Variants in CLCNKB observed in about 807,000 individuals in gnomAD.
CLCNKB encodes the protein chloride voltage-gated channel Kb, also known as chloride channel protein ClC-Kb.
CLCNKB carries 74 observed loss-of-function variants against 83.8 expected under a neutral mutation model. The ratio of observed to expected loss-of-function variants is 0.88; its 90% CI spans 0.73 to 1.07. The LOEUF (loss-of-function observed/expected upper bound fraction) is 1.07, where lower values mean the gene tolerates loss of function less well. Ranked by LOEUF, CLCNKB falls within the 50% of genes least tolerant of loss-of-function variation. CLCNKB has a pLI of 0.00. For missense variants in CLCNKB, 798 were observed against 893.6 expected (o/e 0.89, Z 1.36); for synonymous variants, 358 against 356.6 (o/e 1.00, Z -0.04).
At chr1:16,048,175 G>C (rs2023160157) in intron 5 of CLCNKB, 131 bp downstream of exon 5, 4 of 1,444,764 alleles carry the variant, frequency 2.8e-6, no homozygotes, top group Non-Finnish European at 2.9e-6. Context: ...ACTCAGTCTT[G>C]GGGGAAGAGG....
In CLCNKB at chr1:16,049,829, T is replaced by C. The variant is rs1179476923; in HGVS notation, c.881T>C (p.Ile294Thr). The C allele has an allele frequency of 6.2e-7, 1 of 1,613,776 alleles. No homozygotes were observed. Among genetic ancestry groups the C allele is most frequent in the Non-Finnish European group, 8.5e-7 (1 of 1,179,868 alleles). ...ATGCTCCCCAGGGGTCTCTGTGGCA[T>C]CCTGGGCAGCGCTTACCTCTTCTGT... ...FFVALGGLCG[I>T]LGSAYLFCQR... Residue 294 changes from isoleucine (I) to threonine (T), a missense_variant, in exon 10 of 20, where the codon ATC becomes ACC. Physicochemically the swap from Ile to Thr is moderately conservative, Grantham distance 89. Transcript: ENST00000375679.
At chr1:16,045,910 C>G (rs2023087166) in intron 3 of CLCNKB, among the ~76,000 whole-genome samples, 2 of 152,318 alleles carry the variant, frequency 1.3e-5, no homozygotes, top group South Asian at 4.1e-4. Context: ...CCTGAATGTT[C>G]CCAAGAGCTC....
chr1:16,045,615 T>G lies in CLCNKB; in HGVS notation c.158T>G (p.Leu53Arg). 3 of 1,614,096 alleles carry G rather than the reference T, an allele frequency of 1.9e-6. No individual in the cohort carries two copies. The highest frequency in any genetic ancestry group is 2.5e-6 in the Non-Finnish European group (3 of 1,179,942). Residue 53 changes from leucine (L) to arginine (R), a missense_variant, in exon 3 of 20, where the codon CTG becomes CGG. Physicochemically the swap from Leu to Arg is moderately radical, Grantham distance 102. Coordinates refer to ENST00000375679, the MANE Select transcript of CLCNKB (RefSeq NM_000085.5). Reference protein sequence around the residue: ...LFRLGEDWYFLMTLGVLMALV... With the variant: ...LFRLGEDWYFRMTLGVLMALV... ...CGCCTGGGCGAGGACTGGTACTTCC[T>G]GATGACCCTCGGGGTGCTCATGGCC...
chr1:16,054,100 C>T (rs2023374199), intron 16 of CLCNKB, among the ~76,000 whole-genome samples: 1 of 152,126 alleles, frequency 6.6e-6, no homozygotes. Context: ...TAAGCATTCC[C>T]CAGATGAGTC....
chr1:16,045,423 G>A, intron 2 of CLCNKB, 135 bp from the exon 3 acceptor site: 1 of 1,068,158 alleles, frequency 9.4e-7, no homozygotes, highest in Non-Finnish European at 1.4e-6. Flanking sequence ...GCCCCCTCGG[G>A]ACTACCCCAG....
intron 1 of CLCNKB, 28 bp from the exon 2 acceptor site, chr1:16,044,458 C>T (rs767867132): frequency 2.0e-5 from 31 of 1,562,366 alleles, no homozygotes; most frequent in Non-Finnish European, 2.5e-5. Context: ...CAGCTCACCG[C>T]GGTCCCTCCC....
At chr1:16,049,032 G>T (rs761914199) in intron 7 of CLCNKB, 88 bp from the exon 8 acceptor site, 8 of 1,611,582 alleles carry the variant, frequency 5.0e-6, no homozygotes, top group Non-Finnish European at 6.8e-6. Flanking sequence ...GGACAGATGG[G>T]TCAGGGAGGA....
At chr1:16,052,451 A>C in intron 15 of CLCNKB, 40 bp downstream of exon 15, 1 of 1,594,428 alleles carries the variant, frequency 6.3e-7, no homozygotes, top group Non-Finnish European at 8.5e-7. Context: ...AGGGGGTCAC[A>C]GTGTTTGGGA....
intron 7 of CLCNKB, 82 bp from the exon 8 acceptor site, chr1:16,049,038 G>A: frequency 6.2e-7 from 1 of 1,612,230 alleles, no homozygotes. Context: ...ATGGGTCAGG[G>A]AGGAGGTGAC....
Position 16,049,889 on chromosome 1 carries a change from G to A in CLCNKB, c.941G>A (p.Arg314Lys), listed in dbSNP as rs1388868011. Residue 314 changes from arginine (R) to lysine (K), a missense_variant, in exon 10 of 20, where the codon AGG (arginine) becomes AAG (lysine). Arg to Lys is a conservative substitution (Grantham distance 26). Transcript: ENST00000375679. ...TTCTTTGGCTTCATCAGGAACAATAGGTTCAGCTCCAAACTGCTGGCCACC... is the reference window on the plus strand; with the variant it reads ...TTCTTTGGCTTCATCAGGAACAATAAGTTCAGCTCCAAACTGCTGGCCACC... ...RIFFGFIRNN[R>K]FSSKLLATSK... 1.2e-6 allele frequency: 2 copies of A among 1,613,758 alleles called. No individual in the cohort carries two copies. The highest frequency in any genetic ancestry group is 1.7e-6 in the Non-Finnish European group (2 of 1,179,904).
intron 15 of CLCNKB, among the ~76,000 whole-genome samples, chr1:16,052,804 C>T (rs761628592): frequency 1.2e-4 from 19 of 152,040 alleles, no homozygotes; most frequent in South Asian, 4.1e-4. Context: ...GGAGGTGGAA[C>T]GAGAATGGAA....
chr1:16,048,925 AGGCTGGACGGGTCTCTG>A (rs1277099396), intron 7 of CLCNKB, 178 bp from the exon 8 acceptor site: 1 of 1,462,486 alleles, frequency 6.8e-7, no homozygotes, highest in East Asian at 2.5e-5. Context: ...CCCGCATTCC[AGGCTGGACGGGTCTCTG>A]GGCAGCGGGC....
At chr1:16,048,309 C>T in intron 5 of CLCNKB, 34 bp from the exon 6 acceptor site, 1 of 1,611,984 alleles carries the variant, frequency 6.2e-7, no homozygotes, top group South Asian at 1.1e-5. Context: ...CTGCTGCCCT[C>T]ACCTGGGCCC....
At position 16,051,817 on chromosome 1, in the gene CLCNKB, G is replaced by A. The variant is rs35575612; in HGVS notation, c.1405G>A (p.Ala469Thr). Residue 469 changes from alanine to threonine, a missense_variant, in exon 14 of 20, where the codon GCA becomes ACA. Transcript: ENST00000375679. ...CATCATGCCAGGGGGGTATGCTCTGGCAGGTGAGTGGGTCAGGGGCCTGCT... is the reference window on the plus strand; with the variant it reads ...CATCATGCCAGGGGGGTATGCTCTGACAGGTGAGTGGGTCAGGGGCCTGCT... ...NPIMPGGYAL[A>T]GAAAFSGAVT... 257 of 1,611,860 alleles carry A rather than the reference G, an allele frequency of 1.6e-4. No individual in the cohort carries two copies. Among genetic ancestry groups the A allele is most frequent in the Non-Finnish European group, 2.1e-4 (243 of 1,178,356 alleles).
chr1:16,051,064 C>T lies in CLCNKB; in HGVS notation c.1227+16C>T, dbSNP rs1290383055. 6.2e-7 allele frequency: 1 copy of T among 1,613,736 alleles called. No homozygotes were observed. Among genetic ancestry groups the T allele is most frequent in the Non-Finnish European group, 8.5e-7 (1 of 1,179,946 alleles). On this transcript the variant is annotated intron_variant, in intron 12 of 19. Coordinates refer to ENST00000375679, the MANE Select transcript of CLCNKB (RefSeq NM_000085.5). ...GGTTATGAAGGTGGGCCCCCTGGTC[C>T]CCAGGTGTGCACAGAGCTGGGACCA...
intron 2 of CLCNKB, 38 bp downstream of exon 2, chr1:16,044,630 C>T (rs761036682): frequency 9.6e-5 from 144 of 1,507,328 alleles, no homozygotes; most frequent in Non-Finnish European, 1.3e-4. Flanking sequence ...CCTGGAGGAC[C>T]ACTCAGGACA....
At chr1:16,045,229 C>A (rs749199052) in intron 2 of CLCNKB, among the ~76,000 whole-genome samples, 3 of 152,154 alleles carry the variant, frequency 2.0e-5, no homozygotes, top group Non-Finnish European at 4.4e-5. Flanking sequence ...TGCGGGGATG[C>A]AGGTGAAAGC....
intron 14 of CLCNKB, 114 bp from the exon 15 acceptor site, chr1:16,052,083 AG>A: frequency 7.4e-7 from 1 of 1,349,138 alleles, no homozygotes; most frequent in Non-Finnish European, 1.0e-6. Context: ...CACAGTGCCC[AG>A]GCTGTGGCCT....
rs1557470959 is a variant in CLCNKB, at chr1:16,051,752, TC to T, written c.1341del (p.Phe448SerfsTer31). On this transcript the variant is annotated frameshift_variant, in exon 14 of 20. Transcript: ENST00000375679. LOFTEE classifies it high-confidence loss of function. ...CTCTTTGGGGAGACTCTCTCTTTTA[TC>T]TTCCCTGAGGGCATCGTGGCTGGAG... The part of the protein sequence containing the change: ...GRLFGETLSF[I>X]FPEGIVAGGI... 1 of 1,613,920 alleles carries T rather than the reference TC, an allele frequency of 6.2e-7. No individual in the cohort carries two copies. The highest frequency in any genetic ancestry group is 2.2e-5 in the East Asian group (1 of 44,874).
Sources: allele counts gnomAD v4.1 joint callset (sites outside exome capture counted in the v4.1 genomes callset), GRCh38; gene constraint gnomAD v4.1.1; transcripts MANE v1.5; gene names NCBI Gene and HGNC (gene_info 2026-07-23, HGNC 2026-07-21).